RASGRF2: variants seen among roughly 807,000 people sequenced by gnomAD.
The protein encoded by RASGRF2 is ras-specific guanine nucleotide-releasing factor 2.
In RASGRF2, 76 loss-of-function variants were observed where a neutral mutation model predicts 151.0. The ratio of observed to expected loss-of-function variants is 0.50; its 90% CI spans 0.42 to 0.61. The LOEUF (loss-of-function observed/expected upper bound fraction) is 0.61. Among genes scored for constraint, RASGRF2 ranks in the 20% least tolerant of loss-of-function variants. The pLI, the probability that RASGRF2 is intolerant of heterozygous loss-of-function variation, is 0.00. For missense variants in RASGRF2, 1,148 were observed against 1,564.6 expected (o/e 0.73, Z 4.49); for synonymous variants, 504 against 566.5 (o/e 0.89, Z 1.57).
intron 1 of RASGRF2, among the ~76,000 whole-genome samples, chr5:81,036,717 G>A (rs1580236365): frequency 6.6e-6 from 1 of 151,434 alleles, no homozygotes; most frequent in African/African-American, 2.4e-5. Flanking sequence ...CTCCCATCTT[G>A]TCCAAATTGA....
chr5:81,162,672 A>G (rs77949665), intron 17 of RASGRF2, among the ~76,000 whole-genome samples: 204 of 152,298 alleles, frequency 1.3e-3, no homozygotes, highest in African/African-American at 4.7e-3. Context: ...ATTGAGTGCC[A>G]AGACTTGCCA....
rs533888751 is a variant in RASGRF2 at position 81,139,378 on chromosome 5, C to G, written c.2686+12215C>G. Among the ~76,000 whole-genome samples, 177 of 141,318 alleles carry G rather than the reference C, an allele frequency of 1.3e-3. 2 individuals carry two copies. Among genetic ancestry groups the G allele is most frequent in the African/African-American group, 4.5e-3 (177 of 39,418 alleles). The allele number at this position is 141,318 out of a possible 152,430, so 92.7% of individuals were successfully genotyped here. ...TATTTCTTCCTTTCCAATCTATACG[C>G]CTTTCATTTTCTTTCTTTCTTTCTT... On this transcript the variant is annotated intron_variant, in intron 17 of 26. Transcript: ENST00000265080.
intron 17 of RASGRF2, among the ~76,000 whole-genome samples, chr5:81,176,247 A>G (rs1754771366): frequency 6.6e-6 from 1 of 152,194 alleles, no homozygotes; most frequent in Non-Finnish European, 1.5e-5. Context: ...TTTTAATTTA[A>G]ATATGGACTA....
intron 1 of RASGRF2, among the ~76,000 whole-genome samples, chr5:80,984,129 T>TGGCTCACTGCAACCTC (rs1748401301): frequency 1.3e-5 from 2 of 152,186 alleles, no homozygotes; most frequent in Non-Finnish European, 2.9e-5. Flanking sequence ...GGCGTGACCT[T>TGGCTCACTGCAACCTC]GGCTCACTGC....
intron 1 of RASGRF2, among the ~76,000 whole-genome samples, chr5:80,966,783 A>C (rs1049865883): frequency 3.9e-5 from 6 of 152,344 alleles, no homozygotes; most frequent in Admixed American, 1.3e-4. Flanking sequence ...TAATGATTTA[A>C]TGAAAAATAA....
chr5:81,144,756 T>C (rs1480629947), intron 17 of RASGRF2, among the ~76,000 whole-genome samples: 2 of 152,214 alleles, frequency 1.3e-5, no homozygotes, highest in African/African-American at 2.4e-5. Context: ...AAGTAGTTAA[T>C]ATTACTATAC....
chr5:81,105,694 G>A (rs1379961810), intron 12 of RASGRF2, among the ~76,000 whole-genome samples: 1 of 152,196 alleles, frequency 6.6e-6, no homozygotes, highest in East Asian at 1.9e-4. Context: ...GAAACACTGA[G>A]AGTGAAAAGA....
intron 2 of RASGRF2, among the ~76,000 whole-genome samples, chr5:81,059,975 C>T (rs967368801): frequency 3.3e-5 from 5 of 152,152 alleles, no homozygotes; most frequent in Non-Finnish European, 7.3e-5. Flanking sequence ...CTGGAGAGAC[C>T]GCAGGAAGCT....
intron 1 of RASGRF2, among the ~76,000 whole-genome samples, chr5:81,034,920 A>G (rs1750426832): frequency 6.6e-6 from 1 of 152,044 alleles, no homozygotes; most frequent in Admixed American, 6.6e-5. Context: ...CACATTGTGC[A>G]CATGTACCCT....
chr5:81,109,036 T>C lies in RASGRF2; in HGVS notation c.1796T>C (p.Val599Ala), dbSNP rs1416543836. The change falls in exon 13 of 27, where the codon GTG (valine) becomes GCG (alanine). Residue 599 changes from valine (V) to alanine (A), a missense_variant. Around this residue, in one of 5 missense-constraint regions of RASGRF2, gnomAD observed 646 missense variants for 807.4 expected, o/e 0.80. Coordinates refer to ENST00000265080, the MANE Select transcript of RASGRF2 (RefSeq NM_006909.3). ...CGATGTAATGGTTTAATGACTATAG[T>C]GTTTGAAGAGAATTCCAAAGTCACT... The part of the protein sequence containing the change: ...NIRCNGLMTI[V>A]FEENSKVTVP... 1.9e-6 allele frequency: 3 copies of C among 1,611,516 alleles called. No individual in the cohort carries two copies. The highest frequency in any genetic ancestry group is 2.5e-6 in the Non-Finnish European group (3 of 1,177,990).
intron 1 of RASGRF2, among the ~76,000 whole-genome samples, chr5:80,989,917 G>A (rs1748593435): frequency 6.6e-6 from 1 of 152,146 alleles, no homozygotes; most frequent in Non-Finnish European, 1.5e-5. Flanking sequence ...CCCTTGGAGA[G>A]CTATTTCCTC....
Position 81,141,659 on chromosome 5 carries a change from C to T in RASGRF2, c.2686+14496C>T, listed in dbSNP as rs142056608. On this transcript the variant is annotated intron_variant, in intron 17 of 26. Coordinates refer to ENST00000265080, the MANE Select transcript of RASGRF2 (RefSeq NM_006909.3). ...CTTGCTTCTGCCTTTCTCTGCAGCA[C>T]GTCCATTTCTTTCCGTCTTTTTCCC... 2.0e-4 allele frequency among the ~76,000 whole-genome samples: 31 copies of T among 152,308 alleles called. No individual in the cohort carries two copies. In the East Asian group the frequency reaches 2.3e-3, roughly 11 times the overall value.
rs144709072 is a variant in RASGRF2, at chr5:81,105,735, G to A, written c.1756-3261G>A. On this transcript the variant is annotated intron_variant, in intron 12 of 26. Coordinates refer to ENST00000265080, the MANE Select transcript of RASGRF2 (RefSeq NM_006909.3). ...AAGGAGTAGCTAGAAAGGTCGCTGG[G>A]TGAAGGAGCACTTACCCTTGTCAGT... Among the ~76,000 whole-genome samples the A allele has an allele frequency of 3.3e-5, 5 of 152,174 alleles. No homozygotes were observed. In the East Asian group the frequency reaches 9.7e-4, roughly 29 times the overall value.
chr5:80,997,006 T>G (rs533804982), intron 1 of RASGRF2, among the ~76,000 whole-genome samples: 2 of 152,268 alleles, frequency 1.3e-5, no homozygotes, highest in Admixed American at 1.3e-4. Flanking sequence ...ATAACTAAAG[T>G]CTCCTTATTT....
chr5:81,199,951 A>G (rs1755350825), intron 18 of RASGRF2, among the ~76,000 whole-genome samples: 1 of 149,568 alleles, frequency 6.7e-6, no homozygotes, highest in Non-Finnish European at 1.5e-5. Context: ...ATTTCTTTGC[A>G]TCTACTATTT....
chr5:81,047,378 G>A lies in RASGRF2; in HGVS notation c.395+4395G>A, dbSNP rs141544838. On this transcript the variant is annotated intron_variant, in intron 2 of 26. Coordinates refer to ENST00000265080, the MANE Select transcript of RASGRF2 (RefSeq NM_006909.3). Reference sequence around the variant, plus strand: ...GATTGGGAAAACAGATATTGAGAATGTTGAGCCTAGCACAGAGCACTGTTG... The same window carrying A: ...GATTGGGAAAACAGATATTGAGAATATTGAGCCTAGCACAGAGCACTGTTG... Among the ~76,000 whole-genome samples the A allele has an allele frequency of 1.6e-4, 24 of 152,346 alleles. 1 individual carries two copies. The East Asian group carries it at 3.5e-3, about 22-fold the overall frequency.
In RASGRF2 at chr5:81,102,187, G is replaced by A. The variant is rs550615093; in HGVS notation, c.1756-6809G>A. 7.2e-5 allele frequency among the ~76,000 whole-genome samples: 11 copies of A among 152,292 alleles called. No individual in the cohort carries two copies. The East Asian group carries it at 1.9e-3, about 27-fold the overall frequency. On this transcript the variant is annotated intron_variant, in intron 12 of 26. Coordinates refer to ENST00000265080, the MANE Select transcript of RASGRF2 (RefSeq NM_006909.3). ...CAGACTTGGGAATGATTTTAGACTA[G>A]CTATTAGTTCCACATCCTAGGAGTA...
intron 17 of RASGRF2, among the ~76,000 whole-genome samples, chr5:81,148,515 G>A (rs1754056383): frequency 6.6e-6 from 1 of 152,126 alleles, no homozygotes; most frequent in Non-Finnish European, 1.5e-5. Flanking sequence ...TTAGGGATCT[G>A]AACCTATTTC....
At chr5:81,082,694 T>C (rs1284468323) in intron 7 of RASGRF2, among the ~76,000 whole-genome samples, 1 of 152,136 alleles carries the variant, frequency 6.6e-6, no homozygotes, top group African/African-American at 2.4e-5. Flanking sequence ...TCCCCAAGGA[T>C]GTGGTGACCT....
Sources: allele counts gnomAD v4.1 joint callset (sites outside exome capture counted in the v4.1 genomes callset), GRCh38; gene constraint gnomAD v4.1.1; regional missense constraint gnomAD v4.1.1; transcripts MANE v1.5; gene names NCBI Gene and HGNC (gene_info 2026-07-23, HGNC 2026-07-21).